Variants in TOR1B observed in about 807,000 individuals in gnomAD.
TOR1B encodes torsin-1B.
Under a neutral mutation model 29.2 loss-of-function variants are expected in TOR1B, and 14 were observed. That is an observed-to-expected ratio of 0.48 (90% CI 0.32 to 0.75). The LOEUF (loss-of-function observed/expected upper bound fraction) is 0.75, where lower values mean the gene tolerates loss of function less well. Ranked by LOEUF, TOR1B falls within the 30% of genes least tolerant of loss-of-function variation. The pLI is 0.04. For synonymous variants in TOR1B, 166 were observed against 179.8 expected, an observed-to-expected ratio of 0.92 and a Z score of 0.62; for missense variants, 400 against 433.9, an observed-to-expected ratio of 0.92 and a Z score of 0.69.
At position 129,807,228 on chromosome 9, in the gene TOR1B, G is replaced by A; in HGVS notation, c.506G>A (p.Cys169Tyr). 6.2e-7 allele frequency: 1 copy of A among 1,614,162 alleles called. No individual in the cohort carries two copies. Reference protein sequence around the residue: ...QKWIRGNVSACANSVFIFDEM... With the variant: ...QKWIRGNVSAYANSVFIFDEM... ...TGGATCCGCGGTAATGTGAGTGCATGTGCGAACTCTGTTTTCATATTTGAC... is the reference window on the plus strand; with the variant it reads ...TGGATCCGCGGTAATGTGAGTGCATATGCGAACTCTGTTTTCATATTTGAC... Residue 169 changes from cysteine to tyrosine, a missense_variant, in exon 3 of 5, where the codon TGT becomes TAT. Transcript: ENST00000259339.
rs962235922 is a variant in TOR1B, at chr9:129,809,931, A to C, written c.*348A>C. The C allele has an allele frequency of 2.2e-5, 26 of 1,197,692 alleles. No homozygotes were observed. Among genetic ancestry groups the C allele is most frequent in the Non-Finnish European group, 2.7e-5 (26 of 950,118 alleles). The allele number at this position is 1,197,692 out of a possible 1,614,324, so 74.2% of individuals were successfully genotyped here. On this transcript the variant is annotated 3_prime_UTR_variant, in exon 5 of 5. Coordinates refer to ENST00000259339, the MANE Select transcript of TOR1B (RefSeq NM_014506.3). Reference sequence around the variant, plus strand: ...AATCTATTGCGCGCATTTGTCATTTAGCAAGATGGCAGCAGTCCAGCTGTT... The same window carrying C: ...AATCTATTGCGCGCATTTGTCATTTCGCAAGATGGCAGCAGTCCAGCTGTT...
In TOR1B at chr9:129,804,351, G is replaced by A. The variant is rs140093460; in HGVS notation, c.465+13G>A. ...AAAACTGTACCAGGCAAGAGAACCC[G>A]CTATTATCTCGTCTGCAGGCCAGTC... On this transcript the variant is annotated intron_variant, in intron 2 of 4. Transcript: ENST00000259339. The A allele has an allele frequency of 3.1e-6, 5 of 1,606,588 alleles. No homozygotes were observed. Among genetic ancestry groups the A allele is most frequent in the East Asian group, 2.2e-5 (1 of 44,662 alleles).
At chr9:129,804,465 G>A in intron 2 of TOR1B, 127 bp downstream of exon 2, 1 of 1,214,946 alleles carries the variant, frequency 8.2e-7, no homozygotes. Flanking sequence ...CTGAGTTAAG[G>A]CACACTTAGT....
Position 129,803,190 on chromosome 9 carries a change from T to G in TOR1B, c.-23T>G. On this transcript the variant is annotated 5_prime_UTR_variant, in exon 1 of 5. Coordinates refer to ENST00000259339, the MANE Select transcript of TOR1B (RefSeq NM_014506.3). ...GCCGCGGGGCGCCTGGCTCAGTGGCTTCTGCGGGCTTCGAGGAGCGGGATG... is the reference window on the plus strand; with the variant it reads ...GCCGCGGGGCGCCTGGCTCAGTGGCGTCTGCGGGCTTCGAGGAGCGGGATG... 1 of 1,441,632 alleles carries G rather than the reference T, an allele frequency of 6.9e-7. No individual in the cohort carries two copies. The highest frequency in any genetic ancestry group is 1.5e-5 in the South Asian group (1 of 68,726). The allele number at this position is 1,441,632 out of a possible 1,614,324, so 89.3% of individuals were successfully genotyped here.
Position 129,809,574 on chromosome 9 carries a change from T to C in TOR1B, c.1002T>C (p.Asp334=). 1 of 1,614,128 alleles carries C rather than the reference T, an allele frequency of 6.2e-7. No individual in the cohort carries two copies. The highest frequency in any genetic ancestry group is 2.2e-5 in the East Asian group (1 of 44,866). ...KGCKTVQSRL[D]FH The stretch of plus-strand genomic sequence containing the variant: ...GCAAGACTGTGCAGTCGCGGCTGGA[T>C]TTCCACTGAGCTCCTATCCAGATGG... Residue 334 remains aspartate, a synonymous_variant, in exon 5 of 5, where the codon GAT becomes GAC. Transcript: ENST00000259339.
rs2030358660 is a variant in TOR1B at position 129,804,492 on chromosome 9, C to T, written c.465+154C>T. 8.6e-6 allele frequency: 8 copies of T among 925,468 alleles called. No homozygotes were observed. The South Asian group carries it at 1.3e-4, about 15-fold the overall frequency. The allele number at this position is 925,468 out of a possible 1,614,324, so 57.3% of individuals were successfully genotyped here. A position where few individuals can be genotyped will look rare whatever the true frequency, so the allele number is the denominator to read the frequency against. Reference sequence around the variant, plus strand: ...ACACTTAGTCCAGGTAGTTACAAAGCTCTCCTACAACATTTCTCTTACTTG... The same window carrying T: ...ACACTTAGTCCAGGTAGTTACAAAGTTCTCCTACAACATTTCTCTTACTTG... On this transcript the variant is annotated intron_variant, in intron 2 of 4. Transcript: ENST00000259339.
rs1043178 is a variant in TOR1B, at chr9:129,807,274, C to A, written c.552C>A (p.Pro184=). ...FIFDEMDKLH[P]GIIDAIKPFL... ...TTGACGAGATGGATAAATTGCACCC[C>A]GGGATCATTGACGCAATCAAGCCGT... The change falls in exon 3 of 5, where the codon CCC becomes CCA. Residue 184 remains proline, a synonymous_variant. Transcript: ENST00000259339. 6.2e-7 allele frequency: 1 copy of A among 1,613,958 alleles called. No homozygotes were observed. Among genetic ancestry groups the A allele is most frequent in the Non-Finnish European group, 8.5e-7 (1 of 1,179,970 alleles).
Position 129,803,192 on chromosome 9 carries a change from C to CTGCGGGCTTCGAGGAGCGGGATGT in TOR1B, c.-12_12dup, listed in dbSNP as rs2030249473. On this transcript the variant is annotated 5_prime_UTR_variant, in exon 1 of 5. It adds an upstream start codon to the 5' untranslated region. Transcript: ENST00000259339. Reference sequence around the variant, plus strand: ...CGCGGGGCGCCTGGCTCAGTGGCTTCTGCGGGCTTCGAGGAGCGGGATGTT... The same window carrying CTGCGGGCTTCGAGGAGCGGGATGT: ...CGCGGGGCGCCTGGCTCAGTGGCTTCTGCGGGCTTCGAGGAGCGGGATGTTGCGGGCTTCGAGGAGCGGGATGTT... The CTGCGGGCTTCGAGGAGCGGGATGT allele has an allele frequency of 6.9e-7, 1 of 1,443,748 alleles. No homozygotes were observed. The highest frequency in any genetic ancestry group is 9.1e-7 in the Non-Finnish European group (1 of 1,103,888). The allele number at this position is 1,443,748 out of a possible 1,614,324, so 89.4% of individuals were successfully genotyped here.
chr9:129,804,355 T>C lies in TOR1B; in HGVS notation c.465+17T>C, dbSNP rs1258122517. ...CTGTACCAGGCAAGAGAACCCGCTA[T>C]TATCTCGTCTGCAGGCCAGTCGGAC... On this transcript the variant is annotated intron_variant, in intron 2 of 4. Transcript: ENST00000259339. 1 of 1,606,166 alleles carries C rather than the reference T, an allele frequency of 6.2e-7. No individual in the cohort carries two copies. The highest frequency in any genetic ancestry group is 2.2e-5 in the East Asian group (1 of 44,654).
Position 129,804,234 on chromosome 9 carries a change from A to C in TOR1B, c.361A>C (p.Ile121Leu). ...AGTGKNFVSQIVAENLHPKGL... is the reference protein window; with the variant it reads ...AGTGKNFVSQLVAENLHPKGL... ...CACAGGCAAGAATTTTGTCAGTCAA[A>C]TTGTGGCTGAAAATCTTCACCCAAA... Residue 121 changes from isoleucine to leucine, a missense_variant, in exon 2 of 5, where the codon ATT (isoleucine) becomes CTT (leucine). Ile to Leu is a conservative substitution (Grantham distance 5). Coordinates refer to ENST00000259339, the MANE Select transcript of TOR1B (RefSeq NM_014506.3). 1 of 1,614,232 alleles carries C rather than the reference A, an allele frequency of 6.2e-7. No homozygotes were observed.
At position 129,809,518 on chromosome 9, in the gene TOR1B, A is replaced by G. The variant is rs775882880; in HGVS notation, c.946A>G (p.Arg316Gly). 5 of 1,614,224 alleles carry G rather than the reference A, an allele frequency of 3.1e-6. No homozygotes were observed. The highest frequency in any genetic ancestry group is 3.4e-6 in the Non-Finnish European group (4 of 1,180,040). Residue 316 changes from arginine to glycine, a missense_variant, in exon 5 of 5, where the codon AGA (arginine) becomes GGA (glycine). Transcript: ENST00000259339. ...RVAEEMTFFP[R>G]DEKIYSDKGC... ...GGCAGAGGAAATGACGTTTTTCCCC[A>G]GAGACGAGAAAATCTACTCAGACAA...
intron 1 of TOR1B, among the ~76,000 whole-genome samples, 170 bp from the exon 2 acceptor site, chr9:129,803,903 A>G (rs755505652): frequency 1.3e-5 from 2 of 152,178 alleles, no homozygotes; most frequent in African/African-American, 2.4e-5. Flanking sequence ...GGACCTCCAC[A>G]TAATCTTGAA....
In TOR1B at chr9:129,810,353, G is replaced by A. The variant is rs887772534; in HGVS notation, c.*770G>A. 14 of 1,092,704 alleles carry A rather than the reference G, an allele frequency of 1.3e-5. No homozygotes were observed. Among genetic ancestry groups the A allele is most frequent in the Admixed American group, 7.4e-5 (3 of 40,812 alleles). 67.7% of individuals were successfully genotyped at this position (1,092,704 alleles called of 1,614,324 possible). On this transcript the variant is annotated 3_prime_UTR_variant, in exon 5 of 5. Coordinates refer to ENST00000259339, the MANE Select transcript of TOR1B (RefSeq NM_014506.3). ...AGCTGACCTGTGTGTGTGTGTGTGG[G>A]GGGGTGGGGCCTTCACCTAAGACCT...
chr9:129,803,633 G>A (rs2030297680), intron 1 of TOR1B, among the ~76,000 whole-genome samples: 1 of 152,226 alleles, frequency 6.6e-6, no homozygotes, highest in Non-Finnish European at 1.5e-5. Context: ...TCGTGGGGCT[G>A]CCCCAGCGCC....
intron 2 of TOR1B, among the ~76,000 whole-genome samples, chr9:129,806,612 C>T (rs976800875): frequency 2.0e-5 from 3 of 152,100 alleles, no homozygotes; most frequent in African/African-American, 4.8e-5. Context: ...CCGGGTGGCT[C>T]ATTCCTGTAA....
At position 129,810,533 on chromosome 9, in the gene TOR1B, C is replaced by A; in HGVS notation, c.*950C>A. ...GCTTGGATCTCTGCTAGAGTCCCCC[C>A]AACCATATATCATAGAGTTGAATCA... On this transcript the variant is annotated 3_prime_UTR_variant, in exon 5 of 5. Transcript: ENST00000259339. 1.3e-6 allele frequency: 1 copy of A among 762,130 alleles called. No individual in the cohort carries two copies. Among genetic ancestry groups the A allele is most frequent in the Non-Finnish European group, 1.7e-6 (1 of 586,370 alleles). The allele number at this position is 762,130 out of a possible 1,614,324, so 47.2% of individuals were successfully genotyped here.
In TOR1B at chr9:129,803,374, C is replaced by G; in HGVS notation, c.162C>G (p.Ala54=). Residue 54 remains alanine (A), a synonymous_variant, in exon 1 of 5, where the codon GCC becomes GCG. Transcript: ENST00000259339. Reference sequence around the variant, plus strand: ...ACAATGACATCTACTGCCGCTTCGCCGAGTGCTGCCGCGAGGAGCGGCCGC... The same window carrying G: ...ACAATGACATCTACTGCCGCTTCGCGGAGTGCTGCCGCGAGGAGCGGCCGC... The part of the protein sequence containing the change: ...LSYNDIYCRF[A]ECCREERPLN... 6.4e-7 allele frequency: 1 copy of G among 1,560,374 alleles called. No homozygotes were observed. The highest frequency in any genetic ancestry group is 1.2e-5 in the South Asian group (1 of 85,850).
chr9:129,808,918 G>A lies in TOR1B; in HGVS notation c.655G>A (p.Asp219Asn), dbSNP rs532879681. 5.0e-6 allele frequency: 8 copies of A among 1,613,402 alleles called. No homozygotes were observed. The highest frequency in any genetic ancestry group is 1.3e-5 in the African/African-American group (1 of 74,938). ...TGGCAAACTCAGCAATGCAGGCGGG[G>A]ACCTTATAACTAAGACGGCTCTTGA... ...IFIFLSNAGG[D>N]LITKTALDFW... Residue 219 changes from aspartate to asparagine, a missense_variant, in exon 4 of 5, where the codon GAC becomes AAC. Physicochemically the swap from Asp to Asn is conservative, Grantham distance 23 (BLOSUM62 1). Transcript: ENST00000259339.
At position 129,811,057 on chromosome 9, in the gene TOR1B, T is replaced by G. The variant is rs77796236; in HGVS notation, c.*1474T>G. On this transcript the variant is annotated 3_prime_UTR_variant, in exon 5 of 5. Transcript: ENST00000259339. ...GCTGCAGACACAACAACGTGCAGCATTTTTTACATAAAAATATGGTAGAAT... is the reference window on the plus strand; with the variant it reads ...GCTGCAGACACAACAACGTGCAGCAGTTTTTACATAAAAATATGGTAGAAT... 1 of 152,196 alleles carries G rather than the reference T, an allele frequency of 6.6e-6. No individual in the cohort carries two copies. The highest frequency in any genetic ancestry group is 2.1e-4 in the South Asian group (1 of 4,834). The allele number at this position is 152,196 out of a possible 1,614,324, so 9.4% of individuals were successfully genotyped here.
Sources: allele counts gnomAD v4.1 joint callset (sites outside exome capture counted in the v4.1 genomes callset), GRCh38; gene constraint gnomAD v4.1.1; transcripts MANE v1.5; gene names NCBI Gene and HGNC (gene_info 2026-07-23, HGNC 2026-07-21).